CELF1: variants seen among roughly 807,000 people sequenced by gnomAD.
The protein encoded by CELF1 is CUGBP Elav-like family member 1.
CELF1 carries 10 observed loss-of-function variants against 61.8 expected under a neutral mutation model. The observed-to-expected ratio is 0.16, with a 90% CI of 0.10 to 0.27. The LOEUF is 0.27. Ranked by LOEUF, CELF1 falls within the 10% of genes least tolerant of loss-of-function variation. The pLI is 1.00. For missense variants in CELF1, 380 were observed against 639.1 expected (o/e 0.59, Z 4.37); for synonymous variants, 236 against 225.1 (o/e 1.05, Z -0.43).
At chr11:47,548,191 C>T (rs1270964596) in intron 1 of CELF1, among the ~76,000 whole-genome samples, 1 of 151,728 alleles carries the variant, frequency 6.6e-6, no homozygotes, top group Non-Finnish European at 1.5e-5. Context: ...CCCAGCTACT[C>T]GGGAGGCTGA....
At chr11:47,547,122 G>C (rs890485749) in intron 1 of CELF1, among the ~76,000 whole-genome samples, 3 of 119,020 alleles carry the variant, frequency 2.5e-5, no homozygotes, top group Admixed American at 2.5e-4. Context: ...TATATTCAAA[G>C]ATAGGAAAAT....
chr11:47,510,467 T>A (rs1262804926), intron 1 of CELF1, among the ~76,000 whole-genome samples: 1 of 152,156 alleles, frequency 6.6e-6, no homozygotes. Flanking sequence ...CCTAAACCCA[T>A]GAACTTGGCC....
chr11:47,560,474 T>G (rs991549166), intron 2 of CELF1, among the ~76,000 whole-genome samples: 1 of 152,150 alleles, frequency 6.6e-6, no homozygotes, highest in African/African-American at 2.4e-5. Context: ...TATGTGTACA[T>G]GAATATACAA....
At chr11:47,559,769 C>T (rs1254075467) in intron 2 of CELF1, among the ~76,000 whole-genome samples, 2 of 151,384 alleles carry the variant, frequency 1.3e-5, no homozygotes, top group South Asian at 2.1e-4. Flanking sequence ...TGGGAGGCTG[C>T]GGCGGGCAGA....
chr11:47,509,647 T>C (rs1430085338), intron 1 of CELF1, among the ~76,000 whole-genome samples: 2 of 152,044 alleles, frequency 1.3e-5, no homozygotes. Context: ...TCCCAGCACT[T>C]TGGGAGGCCG....
At chr11:47,527,615 T>TACTGACTTCATTGTATAC (rs2096293147) in intron 1 of CELF1, among the ~76,000 whole-genome samples, 1 of 152,216 alleles carries the variant, frequency 6.6e-6, no homozygotes, top group African/African-American at 2.4e-5. Context: ...TCATTGTATA[T>TACTGACTTCATTGTATAC]ACTGACTTCA....
chr11:47,562,244 AG>A (rs1030459584), intron 2 of CELF1, among the ~76,000 whole-genome samples: 1 of 149,326 alleles, frequency 6.7e-6, no homozygotes, highest in Non-Finnish European at 1.5e-5. Flanking sequence ...AAAAAAAAAA[AG>A]TTGGGTGGGG....
intron 1 of CELF1, among the ~76,000 whole-genome samples, chr11:47,533,635 A>ATACATACATACATACATAC (rs1598183916): frequency 6.7e-6 from 1 of 148,744 alleles, no homozygotes; most frequent in Non-Finnish European, 1.5e-5. Flanking sequence ...AAAATAAATA[A>ATACATACATACATACATAC]ATACATACAT....
chr11:47,551,551 GA>G (rs1290033378), intron 1 of CELF1, among the ~76,000 whole-genome samples: 2 of 152,346 alleles, frequency 1.3e-5, no homozygotes, highest in Middle Eastern at 3.4e-3. Context: ...TGCTAAAACA[GA>G]AAGGGTGATT....
chr11:47,508,239 T>C (rs2094689399), intron 1 of CELF1, among the ~76,000 whole-genome samples: 1 of 152,202 alleles, frequency 6.6e-6, no homozygotes, highest in East Asian at 1.9e-4. Flanking sequence ...TTAAGAGTTC[T>C]TCTGGAAGAT....
chr11:47,485,132 G>T (rs1388361358), intron 6 of CELF1, among the ~76,000 whole-genome samples: 2 of 152,190 alleles, frequency 1.3e-5, no homozygotes, highest in Admixed American at 1.3e-4. Context: ...ACTTCAAAGG[G>T]TAGCAGTTGC....
At chr11:47,535,616 T>C (rs2096608024) in intron 1 of CELF1, among the ~76,000 whole-genome samples, 1 of 146,330 alleles carries the variant, frequency 6.8e-6, no homozygotes, top group African/African-American at 2.5e-5. Flanking sequence ...GAGGTGGAGG[T>C]TGCAGTGAGC....
At chr11:47,545,897 GTGTGTGTGTA>G (rs1565909023) in intron 1 of CELF1, among the ~76,000 whole-genome samples, 6 of 127,494 alleles carry the variant, frequency 4.7e-5, no homozygotes, top group East Asian at 2.8e-4. Flanking sequence ...GTGTGTGTGT[GTGTGTGTGTA>G]TATATATATT....
intron 9 of CELF1, among the ~76,000 whole-genome samples, chr11:47,482,069 GGT>G (rs2083585195): frequency 6.6e-6 from 1 of 152,082 alleles, no homozygotes. Flanking sequence ...TGGGTGTGAT[GGT>G]GTGTGTCTGT....
chr11:47,470,938 C>T lies in CELF1; in HGVS notation c.*1292G>A, dbSNP rs2077562401. On this transcript the variant is annotated 3_prime_UTR_variant, in exon 15 of 15. Coordinates refer to ENST00000687097, the MANE Select transcript of CELF1 (RefSeq NM_001376376.1). Reference sequence around the variant, plus strand: ...ACTGTAGCACGAGGACAAAAATGAACACGGTAATACTGAGGTAAATGAACA... The same window carrying T: ...ACTGTAGCACGAGGACAAAAATGAATACGGTAATACTGAGGTAAATGAACA... The T allele has an allele frequency of 6.6e-6, 1 of 152,174 alleles. No individual in the cohort carries two copies. Among genetic ancestry groups the T allele is most frequent in the Admixed American group, 6.5e-5 (1 of 15,276 alleles). 9.4% of individuals were successfully genotyped at this position (152,174 alleles called of 1,614,324 possible).
At position 47,496,436 on chromosome 11, in the gene CELF1, T is replaced by C. The variant is rs183070184; in HGVS notation, c.71+3017A>G. On this transcript the variant is annotated intron_variant, in intron 3 of 14. Transcript: ENST00000687097. ...CTATGGTGCCAGATACTACACACTA[T>C]AGGGCTCTGTAAGACTGAGCAATAT... Among the ~76,000 whole-genome samples the C allele has an allele frequency of 2.1e-3, 317 of 152,332 alleles. 1 individual carries two copies. Among genetic ancestry groups the C allele is most frequent in the Middle Eastern group, 3.4e-3 (1 of 294 alleles).
chr11:47,503,987 C>G (rs2094227429), intron 1 of CELF1, among the ~76,000 whole-genome samples: 1 of 151,362 alleles, frequency 6.6e-6, no homozygotes, highest in Non-Finnish European at 1.5e-5. Flanking sequence ...CTAGTCTGAC[C>G]AACAAAGAGA....
intron 5 of CELF1, 86 bp downstream of exon 5, chr11:47,487,073 G>T (rs1474842537): frequency 1.9e-6 from 2 of 1,058,252 alleles, no homozygotes; most frequent in African/African-American, 1.6e-5. Context: ...TCCCCAAAAT[G>T]GTTTTCAGTG....
chr11:47,520,020 AG>A (rs1597776177), intron 1 of CELF1, among the ~76,000 whole-genome samples: 1 of 150,904 alleles, frequency 6.6e-6, no homozygotes, highest in East Asian at 1.9e-4. Flanking sequence ...TAAAAAAAAA[AG>A]CCAGGAGATC....
Sources: allele counts gnomAD v4.1 joint callset (sites outside exome capture counted in the v4.1 genomes callset), GRCh38; gene constraint gnomAD v4.1.1; transcripts MANE v1.5; gene names NCBI Gene and HGNC (gene_info 2026-07-23, HGNC 2026-07-21).